SRPK2: variants seen among roughly 807,000 people sequenced by gnomAD.
The protein encoded by SRPK2 is SFRS protein kinase 2.
In SRPK2, 21 loss-of-function variants were observed where a neutral mutation model predicts 90.8. The observed-to-expected ratio is 0.23, with a 90% CI of 0.16 to 0.33. The LOEUF (loss-of-function observed/expected upper bound fraction) is 0.33. Among genes scored for constraint, SRPK2 ranks in the 10% least tolerant of loss-of-function variants. The pLI is 1.00. For missense variants in SRPK2, 620 were observed against 869.0 expected, an observed-to-expected ratio of 0.71 and a Z score of 3.60; for synonymous variants, 288 against 311.1, an observed-to-expected ratio of 0.93 and a Z score of 0.78.
At chr7:105,390,228 C>T (rs1047888257), upstream of SRPK2, among the ~76,000 whole-genome samples, 3 of 152,132 alleles carry the variant, frequency 2.0e-5, no homozygotes. Flanking sequence ...AACTTTCATA[C>T]TAATACAATG....
chr7:105,360,281 G>A (rs188408684), intron 2 of SRPK2, among the ~76,000 whole-genome samples: 13 of 152,226 alleles, frequency 8.5e-5, no homozygotes, highest in Admixed American at 7.9e-4. Flanking sequence ...TGTCTCTGAA[G>A]GTAAGATGGG....
intron 3 of SRPK2, among the ~76,000 whole-genome samples, chr7:105,177,790 A>C (rs1792173150): frequency 6.6e-6 from 1 of 152,190 alleles, no homozygotes; most frequent in Admixed American, 6.5e-5. Context: ...TGGGAGGCCG[A>C]GACGGGCGGA....
rs768332933 is a variant in SRPK2, at chr7:105,142,321, G to A, written c.1230C>T (p.Asp410=). Residue 410 remains aspartate, a synonymous_variant, in exon 11 of 16, where the codon GAC becomes GAT. Coordinates refer to ENST00000393651, the MANE Select transcript of SRPK2 (RefSeq NM_182692.3). Reference sequence around the variant, plus strand: ...AGTCTTCTTCATCATCATCTTCATCGTCCAGTTGCTGCTCCAGTGAGAATG... The same window carrying A: ...AGTCTTCTTCATCATCATCTTCATCATCCAGTTGCTGCTCCAGTGAGAATG... ...NGPFSLEQQL[D]DEDDDEEDCP... is the part of the protein sequence containing the mutation. The A allele has an allele frequency of 1.9e-5, 31 of 1,613,870 alleles. No individual in the cohort carries two copies. In the East Asian group the frequency reaches 3.6e-4, roughly 19 times the overall value.
chr7:105,236,259 T>C (rs1399134448), intron 2 of SRPK2, among the ~76,000 whole-genome samples: 2 of 152,250 alleles, frequency 1.3e-5, no homozygotes. Context: ...AATGACATTA[T>C]AGGATTTGTG....
chr7:105,301,908 T>A (rs112321491), intron 2 of SRPK2: 1 of 1,606,758 alleles, frequency 6.2e-7, no homozygotes, highest in East Asian at 2.2e-5. Flanking sequence ...ATCATCTCAA[T>A]TGAAACTCCT....
intron 2 of SRPK2, among the ~76,000 whole-genome samples, chr7:105,254,377 C>T (rs550895790): frequency 8.5e-5 from 13 of 152,260 alleles, no homozygotes; most frequent in East Asian, 3.9e-4. Context: ...CCAATGACAA[C>T]GTAAAGATGT....
At chr7:105,114,788 A>ATGAT (rs1469065874), downstream of SRPK2, among the ~76,000 whole-genome samples, 5 of 152,176 alleles carry the variant, frequency 3.3e-5, no homozygotes, top group Admixed American at 2.6e-4. Flanking sequence ...AAATTAGCTA[A>ATGAT]TGATGGTACA....
intron 2 of SRPK2, among the ~76,000 whole-genome samples, chr7:105,257,009 T>C (rs1391877902): frequency 3.9e-5 from 6 of 152,260 alleles, no homozygotes; most frequent in Admixed American, 6.5e-5. Flanking sequence ...TTAGAGTACT[T>C]AGCACTGCAT....
intron 2 of SRPK2, among the ~76,000 whole-genome samples, chr7:105,368,586 C>T (rs1258627718): frequency 6.6e-6 from 1 of 152,054 alleles, no homozygotes; most frequent in Non-Finnish European, 1.5e-5. Context: ...AAGTGACTTT[C>T]ATCAAGAGCC....
intron 2 of SRPK2, among the ~76,000 whole-genome samples, chr7:105,288,191 A>G (rs1808425492): frequency 6.6e-6 from 1 of 152,254 alleles, no homozygotes. Context: ...GACTAGCGTT[A>G]AAAACTTAAA....
At chr7:105,255,459 G>A (rs1435296294) in intron 2 of SRPK2, among the ~76,000 whole-genome samples, 6 of 152,076 alleles carry the variant, frequency 3.9e-5, no homozygotes, top group Admixed American at 3.9e-4. Flanking sequence ...GGTAGGTGAA[G>A]GGAGGAAAAG....
At chr7:105,204,416 A>AT (rs904879564) in intron 2 of SRPK2, among the ~76,000 whole-genome samples, 2 of 152,068 alleles carry the variant, frequency 1.3e-5, no homozygotes, top group African/African-American at 4.8e-5. Context: ...TGTTTGATTG[A>AT]TTGAGATTAT....
chr7:105,148,873 CTTG>C (rs1254033665), intron 7 of SRPK2, among the ~76,000 whole-genome samples: 1 of 152,142 alleles, frequency 6.6e-6, no homozygotes, highest in African/African-American at 2.4e-5. Flanking sequence ...CAGGACATGC[CTTG>C]TTAACAAAAT....
At chr7:105,244,871 C>G in intron 2 of SRPK2, 1 of 1,283,822 alleles carries the variant, frequency 7.8e-7, no homozygotes, top group Non-Finnish European at 1.1e-6. Flanking sequence ...TCAAGTTCAT[C>G]AAGAAAAGGG....
chr7:105,375,703 T>A (rs566882604), intron 2 of SRPK2, among the ~76,000 whole-genome samples: 1 of 152,268 alleles, frequency 6.6e-6, no homozygotes, highest in South Asian at 2.1e-4. Flanking sequence ...ACGGCCAACC[T>A]TTACTGAATA....
intron 2 of SRPK2, among the ~76,000 whole-genome samples, chr7:105,313,299 T>C (rs560283088): frequency 6.6e-6 from 1 of 150,886 alleles, no homozygotes; most frequent in Non-Finnish European, 1.5e-5. Flanking sequence ...ACAAAAAAAT[T>C]AGCAGGGTGT....
chr7:105,353,156 T>A (rs765736441), intron 2 of SRPK2, among the ~76,000 whole-genome samples: 11 of 152,204 alleles, frequency 7.2e-5, no homozygotes, highest in Non-Finnish European at 1.0e-4. Flanking sequence ...TCCATAAGGA[T>A]GACTCTTAAT....
rs117730375 is a variant in SRPK2, at chr7:105,328,494, T to C, written c.71+60154A>G. On this transcript the variant is annotated intron_variant, in intron 2 of 15. Transcript: ENST00000393651. ...AGGAGAATCATTTGCACCTGGGAGG[T>C]AGAGGTTGCAGTGAGCTGCGATCAG... Among the ~76,000 whole-genome samples the C allele has an allele frequency of 6.7e-3, 750 of 112,436 alleles. 11 individuals are homozygous for C. Among genetic ancestry groups the C allele is most frequent in the East Asian group, 0.066 (269 of 4,074 alleles). The allele number at this position is 112,436 out of a possible 152,430, so 73.8% of individuals were successfully genotyped here. A position where few individuals can be genotyped will look rare whatever the true frequency, so the allele number is the denominator to read the frequency against.
At chr7:105,189,699 G>A (rs927826696) in intron 3 of SRPK2, 2 of 152,412 alleles carry the variant, frequency 1.3e-5, no homozygotes, top group African/African-American at 4.8e-5. Context: ...TTGAACCTGG[G>A]AGGCGGAGGT....
Sources: allele counts gnomAD v4.1 joint callset (sites outside exome capture counted in the v4.1 genomes callset), GRCh38; gene constraint gnomAD v4.1.1; transcripts MANE v1.5; gene names NCBI Gene and HGNC (gene_info 2026-07-23, HGNC 2026-07-21).